EPHA5: variants seen among roughly 807,000 people sequenced by gnomAD.
EPHA5 encodes the protein EPH receptor A5, also known as ephrin type-A receptor 5.
Under a neutral mutation model 105.0 loss-of-function variants are expected in EPHA5, and 60 were observed. That is an observed-to-expected ratio of 0.57 (90% CI 0.46 to 0.71). The LOEUF is 0.71. EPHA5 is among the 30% of genes least tolerant of loss of function. The pLI is 0.00. For synonymous variants in EPHA5, 513 were observed against 449.1 expected, an observed-to-expected ratio of 1.14 and a Z score of -1.80; for missense variants, 1,218 against 1,274.7, an observed-to-expected ratio of 0.96 and a Z score of 0.68.
At position 65,449,495 on chromosome 4, in the gene EPHA5, T is replaced by C. The variant is rs557171176; in HGVS notation, c.1403-28930A>G. ...AAGCAGAAAGGGATATGTACAAAGA[T>C]TGTCATAGAACAAGAAGTTGACAAT... On this transcript the variant is annotated intron_variant, in intron 5 of 16. Coordinates refer to ENST00000613740, the MANE Select transcript of EPHA5 (RefSeq NM_001281766.3). 2.6e-5 allele frequency among the ~76,000 whole-genome samples: 4 copies of C among 152,246 alleles called. No homozygotes were observed. The South Asian group carries it at 8.3e-4, about 32-fold the overall frequency.
At chr4:65,454,237 G>T (rs1268088897) in intron 5 of EPHA5, among the ~76,000 whole-genome samples, 1 of 151,936 alleles carries the variant, frequency 6.6e-6, no homozygotes, top group Non-Finnish European at 1.5e-5. Context: ...TCGAGTTCGT[G>T]CCATTGCACT....
chr4:65,553,346 G>A (rs1473668921), intron 3 of EPHA5, among the ~76,000 whole-genome samples: 1 of 152,032 alleles, frequency 6.6e-6, no homozygotes, highest in Non-Finnish European at 1.5e-5. Flanking sequence ...AAACTTGGAA[G>A]AAGAATGATA....
chr4:65,476,956 TA>T (rs1270855445), intron 5 of EPHA5, among the ~76,000 whole-genome samples: 4 of 152,158 alleles, frequency 2.6e-5, no homozygotes, highest in Non-Finnish European at 5.9e-5. Flanking sequence ...TTCAAAAGTT[TA>T]AAACATATTA....
chr4:65,383,944 T>G (rs189935631), intron 8 of EPHA5, among the ~76,000 whole-genome samples: 1 of 151,870 alleles, frequency 6.6e-6, no homozygotes, highest in Non-Finnish European at 1.5e-5. Context: ...TATCATATTC[T>G]GGAAAAATAT....
At chr4:65,396,140 C>T (rs564103048) in intron 8 of EPHA5, among the ~76,000 whole-genome samples, 3 of 152,340 alleles carry the variant, frequency 2.0e-5, no homozygotes, top group African/African-American at 7.2e-5. Context: ...CTCGCTGCTA[C>T]TGGTGCCAGC....
intron 1 of EPHA5, among the ~76,000 whole-genome samples, chr4:65,652,596 T>C (rs748373390): frequency 4.5e-4 from 69 of 152,144 alleles, no homozygotes; most frequent in Non-Finnish European, 7.9e-4. Flanking sequence ...ATCTATATCA[T>C]ACTCGCCCCA....
rs570323574 is a variant in EPHA5, at chr4:65,412,088, C to T, written c.1687+2196G>A. ...TATTAAAAATGCAAACTTAGCCAGG[C>T]GTGGTGGTGCATGCCTGTGATCCCA... On this transcript the variant is annotated intron_variant, in intron 7 of 16. Coordinates refer to ENST00000613740, the MANE Select transcript of EPHA5 (RefSeq NM_001281766.3). Among the ~76,000 whole-genome samples, 138 of 152,074 alleles carry T rather than the reference C, an allele frequency of 9.1e-4. 1 individual carries two copies. Among genetic ancestry groups the T allele is most frequent in the African/African-American group, 2.1e-3 (89 of 41,498 alleles).
intron 5 of EPHA5, among the ~76,000 whole-genome samples, chr4:65,454,375 A>G (rs1358483308): frequency 1.3e-5 from 2 of 152,172 alleles, no homozygotes; most frequent in African/African-American, 4.8e-5. Context: ...AATTTATTCA[A>G]TGAAAAATCT....
chr4:65,602,457 T>C (rs992140359), intron 2 of EPHA5, among the ~76,000 whole-genome samples, 153 bp from the exon 3 acceptor site: 3 of 152,200 alleles, frequency 2.0e-5, no homozygotes, highest in African/African-American at 7.2e-5. Flanking sequence ...ATATAAAGTA[T>C]TGGGAGAAGA....
At chr4:65,575,734 G>C (rs979253367) in intron 3 of EPHA5, among the ~76,000 whole-genome samples, 2 of 151,934 alleles carry the variant, frequency 1.3e-5, no homozygotes, top group Non-Finnish European at 2.9e-5. Flanking sequence ...CATTTTGGGA[G>C]GCCAAGGCAG....
At chr4:65,609,005 G>A (rs1374651829) in intron 2 of EPHA5, among the ~76,000 whole-genome samples, 1 of 152,026 alleles carries the variant, frequency 6.6e-6, no homozygotes, top group Non-Finnish European at 1.5e-5. Context: ...AAAATTATGT[G>A]CCCTTGTTGT....
chr4:65,643,070 C>T (rs1747807653), intron 2 of EPHA5, among the ~76,000 whole-genome samples: 1 of 151,854 alleles, frequency 6.6e-6, no homozygotes. Flanking sequence ...CTGAAAGTTT[C>T]TTTGTTGTTT....
intron 3 of EPHA5, among the ~76,000 whole-genome samples, chr4:65,550,482 T>A (rs1238422103): frequency 6.6e-6 from 1 of 152,172 alleles, no homozygotes; most frequent in East Asian, 1.9e-4. Context: ...CTGACACTCA[T>A]ATCCAGTAGC....
At chr4:65,391,697 C>T (rs954328422) in intron 8 of EPHA5, among the ~76,000 whole-genome samples, 2 of 152,080 alleles carry the variant, frequency 1.3e-5, no homozygotes, top group African/African-American at 2.4e-5. Context: ...CAGAGCCCAG[C>T]GTCTTCTGGA....
intron 16 of EPHA5, chr4:65,330,936 C>T: frequency 9.6e-7 from 1 of 1,042,006 alleles, no homozygotes. Context: ...GAGAATGTGA[C>T]ATTAATTGGT....
At chr4:65,616,454 C>CAGAGAGAG (rs1235345244) in intron 2 of EPHA5, among the ~76,000 whole-genome samples, 1 of 147,854 alleles carries the variant, frequency 6.8e-6, no homozygotes, top group Admixed American at 6.7e-5. Context: ...CACACACACA[C>CAGAGAGAG]AGAGAGAGAG....
At chr4:65,423,951 C>T (rs1724178484) in intron 5 of EPHA5, among the ~76,000 whole-genome samples, 1 of 151,874 alleles carries the variant, frequency 6.6e-6, no homozygotes, top group Non-Finnish European at 1.5e-5. Context: ...ACATAACTAC[C>T]TATATCTATA....
rs930144304 is a variant in EPHA5 at position 65,348,221 on chromosome 4, T to A, written c.2446-18A>T. 1 of 1,605,946 alleles carries A rather than the reference T, an allele frequency of 6.2e-7. No individual in the cohort carries two copies. Among genetic ancestry groups the A allele is most frequent in the Non-Finnish European group, 8.5e-7 (1 of 1,176,718 alleles). On this transcript the variant is annotated intron_variant, in intron 13 of 16. Coordinates refer to ENST00000613740, the MANE Select transcript of EPHA5 (RefSeq NM_001281766.3). The stretch of plus-strand genomic sequence containing the variant: ...TTTCCTCCCTAAAATTGAAAAAGAT[T>A]TAAAAAACTTCCTACATACTTCAAA...
chr4:65,632,279 T>C (rs115766403), intron 2 of EPHA5, among the ~76,000 whole-genome samples: 134 of 152,034 alleles, frequency 8.8e-4, no homozygotes, highest in Non-Finnish European at 1.6e-3. Context: ...AATGGAGGAG[T>C]AGCCCCATTG....
Sources: gnomAD v4.1 joint callset for allele counts (sites outside exome capture counted in the v4.1 genomes callset) on GRCh38, gnomAD v4.1.1 for gene constraint, MANE v1.5 for transcripts, NCBI Gene and HGNC (gene_info 2026-07-23, HGNC 2026-07-21) for gene names.